GLRA1: variants seen among roughly 807,000 people sequenced by gnomAD.
GLRA1 encodes glycine receptor subunit alpha-1.
In GLRA1, 37 loss-of-function variants were observed where a neutral mutation model predicts 48.3. The ratio of observed to expected loss-of-function variants is 0.77; its 90% CI spans 0.59 to 1.01. The LOEUF is 1.01. Ranked by LOEUF, GLRA1 falls within the 50% of genes least tolerant of loss-of-function variation. GLRA1 has a pLI of 0.00. For missense variants in GLRA1, 427 were observed against 571.0 expected (o/e 0.75, Z 2.57); for synonymous variants, 196 against 210.7 (o/e 0.93, Z 0.60).
At chr5:151,881,357 T>C (rs1440605358) in intron 3 of GLRA1, among the ~76,000 whole-genome samples, 11 of 151,488 alleles carry the variant, frequency 7.3e-5, no homozygotes, top group Admixed American at 5.9e-4. Flanking sequence ...CCTCACCCTG[T>C]TGCCCAGTCT....
intron 7 of GLRA1, among the ~76,000 whole-genome samples, chr5:151,846,615 A>G (rs1752677617): frequency 6.6e-6 from 1 of 152,214 alleles, no homozygotes; most frequent in South Asian, 2.1e-4. Context: ...CAAATGAAAC[A>G]GAATGTTGTG....
At chr5:151,906,881 G>A (rs1754484513) in intron 1 of GLRA1, among the ~76,000 whole-genome samples, 1 of 152,196 alleles carries the variant, frequency 6.6e-6, no homozygotes, top group Admixed American at 6.5e-5. Context: ...AGTGACTAGG[G>A]AAGACCTGTC....
chr5:151,919,724 C>A (rs1581668832), intron 1 of GLRA1, among the ~76,000 whole-genome samples: 1 of 152,304 alleles, frequency 6.6e-6, no homozygotes, highest in South Asian at 2.1e-4. Flanking sequence ...AACTGAGAGC[C>A]AGAAAGGTCA....
chr5:151,901,567 C>T (rs1754369484), intron 1 of GLRA1, among the ~76,000 whole-genome samples: 1 of 152,184 alleles, frequency 6.6e-6, no homozygotes, highest in African/African-American at 2.4e-5. Context: ...TCTTTTTAAT[C>T]AGATAAATCT....
chr5:151,864,039 G>A (rs768263534), intron 3 of GLRA1, among the ~76,000 whole-genome samples: 2 of 152,256 alleles, frequency 1.3e-5, no homozygotes, highest in Non-Finnish European at 2.9e-5. Context: ...TCTTTGTCCT[G>A]TTGATGGTAA....
chr5:151,866,103 T>C (rs1484112424), intron 3 of GLRA1, among the ~76,000 whole-genome samples: 1 of 152,202 alleles, frequency 6.6e-6, no homozygotes, highest in Non-Finnish European at 1.5e-5. Context: ...AGCTGGCTTC[T>C]AGGTCTCAAA....
intron 7 of GLRA1, chr5:151,850,604 G>C (rs1752874440): frequency 6.8e-7 from 1 of 1,474,770 alleles, no homozygotes; most frequent in Non-Finnish European, 9.5e-7. Context: ...CAACATCAAC[G>C]ACTTTTCTGC....
chr5:151,832,793 A>T (rs777540860), intron 7 of GLRA1, among the ~76,000 whole-genome samples: 1 of 152,320 alleles, frequency 6.6e-6, no homozygotes, highest in African/African-American at 2.4e-5. Context: ...CGGGAAATAC[A>T]GAGAACACCA....
intron 1 of GLRA1, among the ~76,000 whole-genome samples, chr5:151,913,086 G>A (rs1254571972): frequency 6.6e-6 from 1 of 152,228 alleles, no homozygotes; most frequent in Non-Finnish European, 1.5e-5. Flanking sequence ...TTAAGGCATG[G>A]ATAGCATCTC....
intron 1 of GLRA1, among the ~76,000 whole-genome samples, chr5:151,920,079 G>T (rs1266166267): frequency 6.6e-6 from 1 of 152,212 alleles, no homozygotes; most frequent in Non-Finnish European, 1.5e-5. Context: ...TGGCATCTGT[G>T]CCTGCAGAGT....
chr5:151,856,176 A>G, intron 5 of GLRA1, 125 bp downstream of exon 5: 3 of 681,994 alleles, frequency 4.4e-6, no homozygotes, highest in Non-Finnish European at 8.2e-6. Flanking sequence ...TTCATTGAAT[A>G]TTTTGGGTTA....
At chr5:151,890,401 G>C (rs138063902) in intron 2 of GLRA1, among the ~76,000 whole-genome samples, 1 of 152,196 alleles carries the variant, frequency 6.6e-6, no homozygotes, top group Non-Finnish European at 1.5e-5. Context: ...CTCCACTCAG[G>C]ATGGAGTTCT....
chr5:151,910,178 A>G (rs1754574764), intron 1 of GLRA1, among the ~76,000 whole-genome samples: 1 of 152,224 alleles, frequency 6.6e-6, no homozygotes, highest in Non-Finnish European at 1.5e-5. Flanking sequence ...TCAAGACGGC[A>G]CTGGTTTGGG....
At chr5:151,858,395 G>T (rs1164964538) in intron 4 of GLRA1, among the ~76,000 whole-genome samples, 1 of 152,206 alleles carries the variant, frequency 6.6e-6, no homozygotes, top group Non-Finnish European at 1.5e-5. Context: ...CCTTGGAAAT[G>T]TCACTTTCTG....
intron 1 of GLRA1, among the ~76,000 whole-genome samples, chr5:151,906,431 T>C (rs546551312): frequency 6.6e-5 from 10 of 152,312 alleles, no homozygotes; most frequent in African/African-American, 2.4e-4. Flanking sequence ...TATTTAGTTG[T>C]AGGTCCTGCA....
intron 7 of GLRA1, among the ~76,000 whole-genome samples, chr5:151,829,908 C>A (rs1763382550): frequency 6.6e-6 from 1 of 152,060 alleles, no homozygotes; most frequent in Non-Finnish European, 1.5e-5. Flanking sequence ...TATTTCATTC[C>A]TTTTTATGGC....
chr5:151,913,565 C>G (rs1754667231), intron 1 of GLRA1, among the ~76,000 whole-genome samples: 1 of 152,154 alleles, frequency 6.6e-6, no homozygotes, highest in Non-Finnish European at 1.5e-5. Flanking sequence ...AGAAGGGCAG[C>G]ACAACTGCAA....
At chr5:151,850,299 T>C in intron 7 of GLRA1, 1 of 1,601,130 alleles carries the variant, frequency 6.2e-7, no homozygotes, top group Non-Finnish European at 8.5e-7. Flanking sequence ...AACCGGACCC[T>C]GTGAAAGAAT....
intron 7 of GLRA1, among the ~76,000 whole-genome samples, chr5:151,832,849 A>T (rs1763460228): frequency 6.6e-6 from 1 of 152,206 alleles, no homozygotes; most frequent in Non-Finnish European, 1.5e-5. Context: ...CATAATTGTC[A>T]GATTCACAAA....
Sources: allele counts gnomAD v4.1 joint callset (sites outside exome capture counted in the v4.1 genomes callset), GRCh38; gene constraint gnomAD v4.1.1; transcripts MANE v1.5; gene names NCBI Gene and HGNC (gene_info 2026-07-23, HGNC 2026-07-21).